The following PSTPIP1 variants were observed in gnomAD, a reference collection of about 807,000 sequenced individuals.
The protein encoded by PSTPIP1 is proline-serine-threonine phosphatase-interacting protein 1.
A neutral mutation model predicts 69.6 loss-of-function variants in PSTPIP1; 66 were observed. The observed-to-expected ratio is 0.95, with a 90% CI of 0.78 to 1.16. The LOEUF (loss-of-function observed/expected upper bound fraction) is 1.16. Ranked by LOEUF, PSTPIP1 falls within the 50% of genes most tolerant of loss-of-function variation. The pLI is 0.00. For synonymous variants in PSTPIP1, 266 were observed against 222.7 expected (o/e 1.19, Z -1.73); for missense variants, 603 against 557.4 (o/e 1.08, Z -0.82).
At chr15:77,001,782 C>T (rs780589319) in intron 1 of PSTPIP1, among the ~76,000 whole-genome samples, 6 of 152,274 alleles carry the variant, frequency 3.9e-5, no homozygotes, top group South Asian at 4.1e-4. Flanking sequence ...TTTATACTGG[C>T]GCAGGCTTGT....
intron 1 of PSTPIP1, chr15:77,007,944 T>C: frequency 2.2e-6 from 1 of 456,068 alleles, no homozygotes; most frequent in Non-Finnish European, 4.4e-6. Context: ...AGGGATTCCC[T>C]TCTTGGTCAC....
chr15:77,034,233 C>T (rs1272572208), intron 12 of PSTPIP1, among the ~76,000 whole-genome samples: 1 of 152,068 alleles, frequency 6.6e-6, no homozygotes, highest in East Asian at 1.9e-4. Flanking sequence ...TCAGCAAGCC[C>T]TGCACCCCTT....
At chr15:76,998,773 A>G (rs1219275181) in intron 1 of PSTPIP1, among the ~76,000 whole-genome samples, 1 of 152,126 alleles carries the variant, frequency 6.6e-6, no homozygotes, top group African/African-American at 2.4e-5. Flanking sequence ...TGTTTTTGCA[A>G]TTTTGTCAGT....
chr15:77,016,146 A>G lies in PSTPIP1; in HGVS notation c.37-2002A>G, dbSNP rs533410768. ...AATGACAGGTCCCCTGAGAGTCCGG[A>G]TTCTTGTCCTGACTCTGCAGCGTCA... On this transcript the variant is annotated intron_variant, in intron 1 of 14. Transcript: ENST00000558012. Among the ~76,000 whole-genome samples the G allele has an allele frequency of 3.3e-5, 5 of 152,296 alleles. No individual in the cohort carries two copies. The East Asian group carries it at 7.7e-4, about 24-fold the overall frequency.
At chr15:77,020,033 A>G (rs556765694) in intron 3 of PSTPIP1, among the ~76,000 whole-genome samples, 17 of 152,264 alleles carry the variant, frequency 1.1e-4, no homozygotes, top group African/African-American at 3.9e-4. Flanking sequence ...GCAGGGCACA[A>G]TGGGAGCCAG....
At chr15:77,025,119 T>C (rs926000732) in intron 3 of PSTPIP1, among the ~76,000 whole-genome samples, 165 bp from the exon 4 acceptor site, 1 of 152,146 alleles carries the variant, frequency 6.6e-6, no homozygotes, top group Non-Finnish European at 1.5e-5. Flanking sequence ...GGGGCCCCAG[T>C]GGATGGTCAC....
chr15:77,036,550 C>T (rs897366782), intron 14 of PSTPIP1, among the ~76,000 whole-genome samples: 3 of 152,176 alleles, frequency 2.0e-5, no homozygotes, highest in African/African-American at 4.8e-5. Flanking sequence ...ACCTCACATC[C>T]ACCTGGACTG....
chr15:76,998,694 C>G (rs1426647050), intron 1 of PSTPIP1, among the ~76,000 whole-genome samples: 1 of 152,222 alleles, frequency 6.6e-6, no homozygotes, highest in Non-Finnish European at 1.5e-5. Flanking sequence ...TGAAAAGCAG[C>G]TGTAGTGGCA....
chr15:77,035,425 C>T, intron 12 of PSTPIP1, 83 bp from the exon 13 acceptor site: 1 of 1,409,544 alleles, frequency 7.1e-7, no homozygotes, highest in Admixed American at 2.0e-5. Flanking sequence ...AGCTCTGAGA[C>T]CTCTCCCTGT....
chr15:77,020,212 G>T (rs1035094067), intron 3 of PSTPIP1, among the ~76,000 whole-genome samples: 3 of 152,188 alleles, frequency 2.0e-5, no homozygotes. Flanking sequence ...ACTAGGAAGG[G>T]GCCAGGTGGA....
At position 77,035,541 on chromosome 15, in the gene PSTPIP1, C is replaced by T. The variant is rs1284996482; in HGVS notation, c.963C>T (p.Thr321=). Residue 321 remains threonine (T), a synonymous_variant, in exon 13 of 15, where the codon ACC becomes ACT. Transcript: ENST00000558012. Reference sequence around the variant, plus strand: ...GACTGCTGCACGGAAGTCCCAAGACCACTTCGTTGGCAGCTTCTGCTGGTA... The same window carrying T: ...GACTGCTGCACGGAAGTCCCAAGACTACTTCGTTGGCAGCTTCTGCTGGTA... ...FSGLLHGSPK[T]TSLAASAAST... 1.3e-6 allele frequency: 2 copies of T among 1,590,116 alleles called. No individual in the cohort carries two copies. Among genetic ancestry groups the T allele is most frequent in the South Asian group, 2.3e-5 (2 of 87,652 alleles).
chr15:77,010,211 G>A (rs2075905562), intron 1 of PSTPIP1, among the ~76,000 whole-genome samples: 1 of 152,206 alleles, frequency 6.6e-6, no homozygotes, highest in South Asian at 2.1e-4. Context: ...TGGCAGGGGC[G>A]GTACAGAGCT....
chr15:77,000,586 AAAG>A (rs1325389901), intron 1 of PSTPIP1, among the ~76,000 whole-genome samples: 3 of 152,182 alleles, frequency 2.0e-5, no homozygotes, highest in East Asian at 1.9e-4. Flanking sequence ...AAAAATAGGA[AAAG>A]AAGAAGCACC....
At chr15:77,021,692 G>GTGT (rs1313480460) in intron 3 of PSTPIP1, among the ~76,000 whole-genome samples, 1 of 152,112 alleles carries the variant, frequency 6.6e-6, no homozygotes, top group Middle Eastern at 3.2e-3. Flanking sequence ...AAAAAAGATA[G>GTGT]TGTTAGTATT....
Position 77,028,543 on chromosome 15 carries a change from C to T in PSTPIP1, c.418-11C>T. On this transcript the variant is annotated splice_polypyrimidine_tract_variant and intron_variant, in intron 6 of 14. Coordinates refer to ENST00000558012, the MANE Select transcript of PSTPIP1 (RefSeq NM_003978.5). ...GTGCAGCCCCCAAGTCACGCCCCTC[C>T]ACACCCCCAGTCCAAGAAGACATAC... 6.3e-7 allele frequency: 1 copy of T among 1,592,218 alleles called. No homozygotes were observed. Among genetic ancestry groups the T allele is most frequent in the Non-Finnish European group, 8.5e-7 (1 of 1,170,288 alleles).
At chr15:77,003,417 G>C (rs1156867142) in intron 1 of PSTPIP1, among the ~76,000 whole-genome samples, 2 of 152,198 alleles carry the variant, frequency 1.3e-5, no homozygotes, top group African/African-American at 4.8e-5. Flanking sequence ...TTCTTGGGAG[G>C]CCGAGGCGGG....
chr15:77,016,255 G>T (rs980564271), intron 1 of PSTPIP1, among the ~76,000 whole-genome samples: 1 of 152,206 alleles, frequency 6.6e-6, no homozygotes, highest in African/African-American at 2.4e-5. Flanking sequence ...CAGGGCGGGG[G>T]GGTCTGTGGC....
chr15:76,995,647 G>C (rs1184794965), intron 1 of PSTPIP1, 38 bp downstream of exon 1: 1 of 1,612,556 alleles, frequency 6.2e-7, no homozygotes, highest in Non-Finnish European at 8.5e-7. Context: ...ACAAGTGGAG[G>C]GGGCAGAGCT....
intron 5 of PSTPIP1, 93 bp downstream of exon 5, chr15:77,025,697 A>C: frequency 2.1e-6 from 1 of 474,154 alleles, no homozygotes; most frequent in Non-Finnish European, 3.8e-6. Flanking sequence ...TGGTAGAGCC[A>C]GTGGAGGGCG....
Sources: gnomAD v4.1 joint callset for allele counts (sites outside exome capture counted in the v4.1 genomes callset) on GRCh38, gnomAD v4.1.1 for gene constraint, MANE v1.5 for transcripts, NCBI Gene and HGNC (gene_info 2026-07-23, HGNC 2026-07-21) for gene names.